MTUS1: variants seen among roughly 807,000 people sequenced by gnomAD.
MTUS1 encodes the protein microtubule associated scaffold protein 1.
Under a neutral mutation model 120.8 loss-of-function variants are expected in MTUS1, and 109 were observed. The observed-to-expected ratio is 0.90, with a 90% CI of 0.77 to 1.06. The LOEUF (loss-of-function observed/expected upper bound fraction) is 1.06. Ranked by LOEUF, MTUS1 falls within the 50% of genes least tolerant of loss-of-function variation. The probability of loss-of-function intolerance (pLI) is 0.00; values close to 1 mark genes in which losing one functional copy is unlikely to be tolerated. For missense variants in MTUS1, 2,210 were observed against 1,486.3 expected, an observed-to-expected ratio of 1.49 and a Z score of -8.01; for synonymous variants, 737 against 550.5, an observed-to-expected ratio of 1.34 and a Z score of -4.74.
At chr8:17,654,804 C>G (rs1290912956) in intron 9 of MTUS1, 138 bp from the exon 10 acceptor site, 2 of 641,496 alleles carry the variant, frequency 3.1e-6, no homozygotes, top group East Asian at 2.7e-5. Flanking sequence ...TCAACACATA[C>G]AAAGGTCAGG....
At chr8:17,798,363 T>C (rs2052415091) in intron 1 of MTUS1, among the ~76,000 whole-genome samples, 1 of 152,166 alleles carries the variant, frequency 6.6e-6, no homozygotes, top group Non-Finnish European at 1.5e-5. Flanking sequence ...GATGGAGTTT[T>C]GCCCTGTTGC....
Position 17,741,609 on chromosome 8 carries a change from T to C in MTUS1, c.2287+1995A>G, listed in dbSNP as rs112616433. Among the ~76,000 whole-genome samples the C allele has an allele frequency of 1.5e-3, 232 of 152,142 alleles. 5 individuals carry two copies. Among genetic ancestry groups the C allele is most frequent in the African/African-American group, 5.5e-3 (227 of 41,500 alleles). On this transcript the variant is annotated intron_variant, in intron 3 of 14. Coordinates refer to ENST00000693296, the MANE Select transcript of MTUS1 (RefSeq NM_001363059.2). ...CTAAGACACATTATGCAACACAGAGTAAAAGGACTTAACAACTACTTCCCC... is the reference window on the plus strand; with the variant it reads ...CTAAGACACATTATGCAACACAGAGCAAAAGGACTTAACAACTACTTCCCC...
intron 1 of MTUS1, among the ~76,000 whole-genome samples, chr8:17,795,729 T>C (rs565814325): frequency 5.5e-4 from 84 of 151,716 alleles, no homozygotes; most frequent in Middle Eastern, 3.4e-3. Context: ...AACCTCCGCC[T>C]CCCGGGTTCA....
At position 17,729,078 on chromosome 8, in the gene MTUS1, AT is replaced by A. The variant is rs777202248; in HGVS notation, c.2288-5246del. ...TAAAATACGAGACATGAGAATATGT[AT>A]TTTTTTTCCAGTTAATTCAGAGAAT... On this transcript the variant is annotated intron_variant, in intron 3 of 14. Coordinates refer to ENST00000693296, the MANE Select transcript of MTUS1 (RefSeq NM_001363059.2). 7.3e-4 allele frequency among the ~76,000 whole-genome samples: 111 copies of A among 152,178 alleles called. No individual in the cohort carries two copies. The East Asian group carries it at 0.019, about 26-fold the overall frequency.
At position 17,754,637 on chromosome 8, in the gene MTUS1, G is replaced by A. The variant is rs1430981379; in HGVS notation, c.1171C>T (p.His391Tyr). 2.5e-6 allele frequency: 4 copies of A among 1,614,190 alleles called. No individual in the cohort carries two copies. Among genetic ancestry groups the A allele is most frequent in the African/African-American group, 2.7e-5 (2 of 75,048 alleles). The change falls in exon 2 of 15, where the codon CAT (histidine) becomes TAT (tyrosine). Residue 391 changes from histidine (H) to tyrosine (Y), a missense_variant. Physicochemically the swap from His to Tyr is moderately conservative, Grantham distance 83. Transcript: ENST00000693296. Reference protein sequence around the residue: ...SKGKDLGTQNHTSELILSSPP... With the variant: ...SKGKDLGTQNYTSELILSSPP... The stretch of plus-strand genomic sequence containing the variant: ...CTACTTAGAATCAATTCTGAGGTAT[G>A]ATTTTGGGTTCCCAAATCCTTTCCT...
At chr8:17,668,555 G>A (rs1229421931) in intron 8 of MTUS1, among the ~76,000 whole-genome samples, 1 of 152,126 alleles carries the variant, frequency 6.6e-6, no homozygotes. Flanking sequence ...GGGATTGTCG[G>A]ACATAATATA....
chr8:17,788,733 G>C (rs1026128054), intron 1 of MTUS1, among the ~76,000 whole-genome samples: 1 of 152,154 alleles, frequency 6.6e-6, no homozygotes, highest in Non-Finnish European at 1.5e-5. Context: ...TCCTCCCAGA[G>C]GAAGGAACAA....
chr8:17,658,999 C>T (rs1478930100), intron 8 of MTUS1, among the ~76,000 whole-genome samples: 2 of 152,216 alleles, frequency 1.3e-5, no homozygotes, highest in Admixed American at 6.5e-5. Context: ...AAAACTATTT[C>T]TCGTTGCCTG....
Position 17,755,654 on chromosome 8 carries a change from C to G in MTUS1, c.154G>C (p.Asp52His). 6.2e-7 allele frequency: 1 copy of G among 1,614,224 alleles called. No homozygotes were observed. The highest frequency in any genetic ancestry group is 8.5e-7 in the Non-Finnish European group (1 of 1,180,034). Residue 52 changes from aspartate to histidine, a missense_variant, in exon 2 of 15, where the codon GAT (aspartate) becomes CAT (histidine). Transcript: ENST00000693296. ...SSVNWNSANP[D>H]DMVVDYETDP... Reference sequence around the variant, plus strand: ...GTTTCATAATCAACCACCATGTCATCTGGGTTGGCAGAATTCCAGTTCACA... The same window carrying G: ...GTTTCATAATCAACCACCATGTCATGTGGGTTGGCAGAATTCCAGTTCACA...
intron 6 of MTUS1, chr8:17,708,910 G>T (rs1026043971): frequency 1.7e-4 from 26 of 152,170 alleles, no homozygotes; most frequent in African/African-American, 5.8e-4. Context: ...GGCCGAGGCG[G>T]GCGGATCACG....
chr8:17,648,382 T>C (rs1190462358), intron 13 of MTUS1, among the ~76,000 whole-genome samples: 1 of 152,194 alleles, frequency 6.6e-6, no homozygotes, highest in East Asian at 1.9e-4. Context: ...AAATTAAATG[T>C]GTTGGTAAGT....
chr8:17,663,060 G>GAA lies in MTUS1; in HGVS notation c.2906-6997_2906-6996dup, dbSNP rs11385603. 2.4e-4 allele frequency among the ~76,000 whole-genome samples: 36 copies of GAA among 151,358 alleles called. No individual in the cohort carries two copies. In the East Asian group the frequency reaches 4.9e-3, roughly 21 times the overall value. On this transcript the variant is annotated intron_variant, in intron 8 of 14. Coordinates refer to ENST00000693296, the MANE Select transcript of MTUS1 (RefSeq NM_001363059.2). ...GTTTAAATCATGGATATCTCAGCAA[G>GAA]AAAAAAAAATCGTAATCAGTGAAAT...
At chr8:17,766,855 A>G (rs904728824) in intron 1 of MTUS1, among the ~76,000 whole-genome samples, 17 of 152,202 alleles carry the variant, frequency 1.1e-4, no homozygotes, top group Admixed American at 2.6e-4. Context: ...TATGACCAGT[A>G]TATTTTAAAA....
At chr8:17,701,933 A>C (rs1185575759) in intron 6 of MTUS1, among the ~76,000 whole-genome samples, 1 of 152,216 alleles carries the variant, frequency 6.6e-6, no homozygotes, top group African/African-American at 2.4e-5. Context: ...TAATAAACTT[A>C]TTAAACTTAA....
chr8:17,679,471 T>G (rs1231776958), intron 7 of MTUS1, among the ~76,000 whole-genome samples: 2 of 123,972 alleles, frequency 1.6e-5, no homozygotes, highest in South Asian at 5.2e-4. Flanking sequence ...TGATTTTTTT[T>G]CTCCAACTAT....
intron 8 of MTUS1, among the ~76,000 whole-genome samples, chr8:17,661,488 A>G (rs1301894658): frequency 6.6e-6 from 1 of 152,244 alleles, no homozygotes; most frequent in Non-Finnish European, 1.5e-5. Context: ...TGACGTTAAT[A>G]GCAGACTACC....
At chr8:17,768,398 T>C (rs1367587979) in intron 1 of MTUS1, among the ~76,000 whole-genome samples, 4 of 152,166 alleles carry the variant, frequency 2.6e-5, no homozygotes, top group Non-Finnish European at 4.4e-5. Context: ...TTATTAAGCA[T>C]AGAGACAGAT....
At chr8:17,767,700 TAAA>T (rs112048837) in intron 1 of MTUS1, among the ~76,000 whole-genome samples, 2 of 87,868 alleles carry the variant, frequency 2.3e-5, no homozygotes, top group Admixed American at 1.2e-4. Context: ...CCCTGTCTCT[TAAA>T]AAAAAAAAAA....
At chr8:17,779,940 T>A (rs1051466756) in intron 1 of MTUS1, among the ~76,000 whole-genome samples, 1 of 152,208 alleles carries the variant, frequency 6.6e-6, no homozygotes, top group Non-Finnish European at 1.5e-5. Flanking sequence ...ACATCTCCAC[T>A]TACATGTTTA....
Sources: gnomAD v4.1 joint callset for allele counts (sites outside exome capture counted in the v4.1 genomes callset) on GRCh38, gnomAD v4.1.1 for gene constraint, MANE v1.5 for transcripts, NCBI Gene and HGNC (gene_info 2026-07-23, HGNC 2026-07-21) for gene names.